The following SEMA5A variants were observed in gnomAD, a reference collection of about 807,000 sequenced individuals.
The protein encoded by SEMA5A is semaphorin 5A.
SEMA5A carries 55 observed loss-of-function variants against 135.5 expected under a neutral mutation model. The observed-to-expected ratio is 0.41, with a 90% CI of 0.33 to 0.51. The LOEUF (loss-of-function observed/expected upper bound fraction) is 0.51, where lower values mean the gene tolerates loss of function less well. Among genes scored for constraint, SEMA5A ranks in the 20% least tolerant of loss-of-function variants. The pLI is 0.37. For missense variants in SEMA5A, 1,290 were observed against 1,419.9 expected, an observed-to-expected ratio of 0.91 and a Z score of 1.47; for synonymous variants, 580 against 546.5, an observed-to-expected ratio of 1.06 and a Z score of -0.85.
intron 5 of SEMA5A, among the ~76,000 whole-genome samples, chr5:9,241,565 C>CAAAAAA (rs3061561): frequency 8.9e-6 from 1 of 111,856 alleles, no homozygotes; most frequent in African/African-American, 3.2e-5. Flanking sequence ...AAGAGAGCTA[C>CAAAAAA]AAAAAAAAAA....
At chr5:9,383,430 T>C (rs527650008) in intron 2 of SEMA5A, among the ~76,000 whole-genome samples, 5 of 152,094 alleles carry the variant, frequency 3.3e-5, no homozygotes, top group Non-Finnish European at 5.9e-5. Context: ...ATGATAAAGA[T>C]AAAATGGGAA....
intron 11 of SEMA5A, among the ~76,000 whole-genome samples, chr5:9,189,410 A>C (rs1472403392): frequency 7.1e-6 from 1 of 140,520 alleles, no homozygotes; most frequent in African/African-American, 2.6e-5. Context: ...AAAAAAAAAA[A>C]ACTAACTGGT....
chr5:9,038,990 A>G lies in SEMA5A; in HGVS notation c.*3907T>C. 1 of 152,474 alleles carries G rather than the reference A, an allele frequency of 6.6e-6. No individual in the cohort carries two copies. Among genetic ancestry groups the G allele is most frequent in the Non-Finnish European group, 1.5e-5 (1 of 68,200 alleles). The allele number at this position is 152,474 out of a possible 1,614,324, so 9.4% of individuals were successfully genotyped here. ...GTGATCCGCCCACCTTGGCCTCCCAAAGTGCTGGGATTATAGGCATGAGCC... is the reference window on the plus strand; with the variant it reads ...GTGATCCGCCCACCTTGGCCTCCCAGAGTGCTGGGATTATAGGCATGAGCC... On this transcript the variant is annotated 3_prime_UTR_variant, in exon 23 of 23. Transcript: ENST00000382496.
rs770005260 is a variant in SEMA5A, at chr5:9,154,840, A to T, written c.1274-145T>A. On this transcript the variant is annotated intron_variant, in intron 11 of 22. Coordinates refer to ENST00000382496, the MANE Select transcript of SEMA5A (RefSeq NM_003966.3). Reference sequence around the variant, plus strand: ...CATCCTTCAAAAACAGTACACCTGGACACCACTGCAGACCAGTTAGGTCAG... The same window carrying T: ...CATCCTTCAAAAACAGTACACCTGGTCACCACTGCAGACCAGTTAGGTCAG... The T allele has an allele frequency of 9.2e-5, 64 of 692,044 alleles. 1 individual carries two copies. The highest frequency in any genetic ancestry group is 1.5e-4 in the Non-Finnish European group (61 of 396,146). 42.9% of individuals were successfully genotyped at this position (692,044 alleles called of 1,614,324 possible). A position where few individuals can be genotyped will look rare whatever the true frequency, so the allele number is the denominator to read the frequency against.
At chr5:9,168,817 G>T (rs1268421480) in intron 11 of SEMA5A, among the ~76,000 whole-genome samples, 4 of 152,128 alleles carry the variant, frequency 2.6e-5, no homozygotes, top group African/African-American at 9.7e-5. Flanking sequence ...TGGAACAAAG[G>T]CTTAAATGCT....
At chr5:9,512,683 C>CA (rs1736275660) in intron 1 of SEMA5A, among the ~76,000 whole-genome samples, 2 of 152,182 alleles carry the variant, frequency 1.3e-5, no homozygotes, top group Admixed American at 6.5e-5. Flanking sequence ...CCCATGCCAG[C>CA]AGAGGCTCTG....
chr5:9,343,609 G>T (rs950730208), intron 3 of SEMA5A, among the ~76,000 whole-genome samples: 1 of 152,026 alleles, frequency 6.6e-6, no homozygotes, highest in Non-Finnish European at 1.5e-5. Flanking sequence ...CCCTTCTATG[G>T]ACTTCATTTT....
At chr5:9,208,915 C>G (rs966187587) in intron 8 of SEMA5A, among the ~76,000 whole-genome samples, 2 of 152,152 alleles carry the variant, frequency 1.3e-5, no homozygotes, top group Non-Finnish European at 2.9e-5. Flanking sequence ...AGGTGTGTCA[C>G]TCATTGAGCC....
intron 2 of SEMA5A, among the ~76,000 whole-genome samples, chr5:9,397,128 A>C (rs1157713769): frequency 6.6e-6 from 1 of 152,226 alleles, no homozygotes; most frequent in East Asian, 1.9e-4. Flanking sequence ...AATATGCTCA[A>C]GTTATAATAT....
intron 1 of SEMA5A, among the ~76,000 whole-genome samples, chr5:9,529,625 G>A (rs547125333): frequency 6.6e-5 from 10 of 152,280 alleles, no homozygotes; most frequent in African/African-American, 2.4e-4. Context: ...CTACTAAACT[G>A]GGGCCAGAAT....
intron 3 of SEMA5A, among the ~76,000 whole-genome samples, chr5:9,351,315 A>G (rs960957059): frequency 6.6e-6 from 1 of 152,228 alleles, no homozygotes; most frequent in African/African-American, 2.4e-5. Context: ...TTAGGCAGCC[A>G]GCCTGTACCT....
At chr5:9,153,613 G>GT (rs945145347) in intron 12 of SEMA5A, among the ~76,000 whole-genome samples, 1 of 151,522 alleles carries the variant, frequency 6.6e-6, no homozygotes, top group Non-Finnish European at 1.5e-5. Context: ...GGCGGGGGAG[G>GT]GGGGGGTGTC....
chr5:9,544,475 G>A (rs565433125), intron 1 of SEMA5A, among the ~76,000 whole-genome samples: 6 of 152,210 alleles, frequency 3.9e-5, no homozygotes, highest in Middle Eastern at 3.4e-3. Context: ...TCCTAGCAAG[G>A]CTGACAGCTC....
At position 9,197,296 on chromosome 5, in the gene SEMA5A, T is replaced by C. The variant is rs1677696782; in HGVS notation, c.940A>G (p.Ile314Val). 7 of 1,609,722 alleles carry C rather than the reference T, an allele frequency of 4.3e-6. No homozygotes were observed. In the South Asian group the frequency reaches 7.7e-5, roughly 18 times the overall value. Reference protein sequence around the residue: ...YGIFTTNVNSIAASAVCVFNL... With the variant: ...YGIFTTNVNSVAASAVCVFNL... Reference sequence around the variant, plus strand: ...AAGACGCACACAGCTGAGGCCGCAATGCTGTTCCTGGGAGCGGAGGGAGAG... The same window carrying C: ...AAGACGCACACAGCTGAGGCCGCAACGCTGTTCCTGGGAGCGGAGGGAGAG... Residue 314 changes from isoleucine (I) to valine (V), a missense_variant, in exon 10 of 23, where the codon ATT becomes GTT. Ile to Val is a conservative substitution (Grantham distance 29, BLOSUM62 3). Coordinates refer to ENST00000382496, the MANE Select transcript of SEMA5A (RefSeq NM_003966.3).
intron 11 of SEMA5A, among the ~76,000 whole-genome samples, chr5:9,161,624 G>A (rs1415122561): frequency 1.3e-5 from 2 of 152,200 alleles, no homozygotes; most frequent in African/African-American, 2.4e-5. Flanking sequence ...CATTTCAGCA[G>A]GCTGTGGCTA....
At chr5:9,374,042 AT>A (rs1273169750) in intron 3 of SEMA5A, among the ~76,000 whole-genome samples, 1 of 152,198 alleles carries the variant, frequency 6.6e-6, no homozygotes, top group African/African-American at 2.4e-5. Context: ...TCCCCTCTTT[AT>A]TGGAATAGAC....
intron 1 of SEMA5A, among the ~76,000 whole-genome samples, chr5:9,530,123 G>T (rs375676096): frequency 6.0e-4 from 91 of 152,328 alleles, no homozygotes; most frequent in African/African-American, 2.1e-3. Flanking sequence ...TTGCCGCTCT[G>T]ACTCTCTGCC....
At chr5:9,501,220 C>A (rs1461278223) in intron 1 of SEMA5A, among the ~76,000 whole-genome samples, 2 of 152,194 alleles carry the variant, frequency 1.3e-5, no homozygotes, top group Non-Finnish European at 2.9e-5. Context: ...GTTGCTAACA[C>A]AATTTAATCT....
At chr5:9,424,948 T>C (rs1757591862) in intron 2 of SEMA5A, among the ~76,000 whole-genome samples, 1 of 152,212 alleles carries the variant, frequency 6.6e-6, no homozygotes, top group South Asian at 2.1e-4. Flanking sequence ...TCTGACCCAG[T>C]GGTGACCTTG....
Sources: allele counts gnomAD v4.1 joint callset (sites outside exome capture counted in the v4.1 genomes callset), GRCh38; gene constraint gnomAD v4.1.1; transcripts MANE v1.5; gene names NCBI Gene and HGNC (gene_info 2026-07-23, HGNC 2026-07-21).